ATP10D: variants seen among roughly 807,000 people sequenced by gnomAD.
The protein encoded by ATP10D is ATPase phospholipid transporting 10D (putative).
A neutral mutation model predicts 144.8 loss-of-function variants in ATP10D; 89 were observed. The observed-to-expected ratio is 0.61, with a 90% CI of 0.52 to 0.73. ATP10D has a LOEUF of 0.73. Among genes scored for constraint, ATP10D ranks in the 30% least tolerant of loss-of-function variants. The probability of loss-of-function intolerance (pLI) is 0.00; values close to 1 mark genes in which losing one functional copy is unlikely to be tolerated. For missense variants in ATP10D, 1,603 were observed against 1,714.8 expected (o/e 0.93, Z 1.15); for synonymous variants, 571 against 615.1 (o/e 0.93, Z 1.06).
At position 47,546,637 on chromosome 4, in the gene ATP10D, G is replaced by C; in HGVS notation, c.1410G>C (p.Glu470Asp). ...YCHEENARRLESYQEAVSEDE... is the reference protein window; with the variant it reads ...YCHEENARRLDSYQEAVSEDE... ...TTTATCCCACAGCCAGGAGGTTGGA[G>C]TCCTATCAGGAAGCTGTCTCTGAAG... The change falls in exon 10 of 23, where the codon GAG becomes GAC. Residue 470 changes from glutamate to aspartate, a missense_variant. Transcript: ENST00000273859. 1 of 1,614,068 alleles carries C rather than the reference G, an allele frequency of 6.2e-7. No individual in the cohort carries two copies.
chr4:47,584,687 T>G (rs1049482051), intron 21 of ATP10D, among the ~76,000 whole-genome samples: 26 of 152,138 alleles, frequency 1.7e-4, no homozygotes, highest in Non-Finnish European at 3.7e-4. Context: ...TGAGCCACTG[T>G]GCCTGGCCAA....
At chr4:47,494,510 T>A (rs1236048878) in intron 1 of ATP10D, among the ~76,000 whole-genome samples, 2 of 150,500 alleles carry the variant, frequency 1.3e-5, no homozygotes, top group African/African-American at 4.9e-5. Context: ...TAAAGTTAGA[T>A]TAAGTACCTC....
At chr4:47,522,359 G>A (rs181336277) in intron 3 of ATP10D, among the ~76,000 whole-genome samples, 234 of 152,324 alleles carry the variant, frequency 1.5e-3, no homozygotes, top group African/African-American at 5.5e-3. Context: ...TGACCACAGA[G>A]CAGCATGAAG....
intron 10 of ATP10D, among the ~76,000 whole-genome samples, chr4:47,552,314 C>A (rs1044832893): frequency 1.3e-5 from 2 of 152,062 alleles, no homozygotes; most frequent in East Asian, 3.9e-4. Context: ...TTCAGGCTGC[C>A]AGAACAAAAT....
intron 5 of ATP10D, among the ~76,000 whole-genome samples, chr4:47,526,922 T>C (rs1717278256): frequency 1.3e-5 from 2 of 152,094 alleles, no homozygotes; most frequent in African/African-American, 4.8e-5. Context: ...GAAATCCCAA[T>C]CAAAATCTCA....
At chr4:47,585,594 T>C (rs1720747029) in intron 21 of ATP10D, among the ~76,000 whole-genome samples, 1 of 152,140 alleles carries the variant, frequency 6.6e-6, no homozygotes, top group South Asian at 2.1e-4. Flanking sequence ...AGTCATTCTT[T>C]CTATTTTTCT....
intron 13 of ATP10D, among the ~76,000 whole-genome samples, chr4:47,559,748 G>A (rs113493803): frequency 7.9e-5 from 12 of 152,248 alleles, no homozygotes; most frequent in East Asian, 1.9e-4. Context: ...AGTAGCTCAC[G>A]CCTGTAATCA....
At chr4:47,526,998 C>T (rs1717281525) in intron 5 of ATP10D, among the ~76,000 whole-genome samples, 1 of 151,894 alleles carries the variant, frequency 6.6e-6, no homozygotes, top group African/African-American at 2.4e-5. Context: ...ATAACTAAAG[C>T]AATTTTGAAA....
intron 3 of ATP10D, among the ~76,000 whole-genome samples, chr4:47,515,954 G>T (rs1577634052): frequency 6.6e-6 from 1 of 152,140 alleles, no homozygotes; most frequent in East Asian, 1.9e-4. Context: ...TCAGGGCCGG[G>T]CGTGGTGGCT....
At chr4:47,495,839 G>T in intron 1 of ATP10D, among the ~76,000 whole-genome samples, 1 of 151,628 alleles carries the variant, frequency 6.6e-6, no homozygotes, top group Admixed American at 6.6e-5. Context: ...CCGTTTTCAA[G>T]CAATTCTTCT....
intron 1 of ATP10D, among the ~76,000 whole-genome samples, chr4:47,485,979 T>C (rs2109373835): frequency 6.6e-6 from 1 of 152,146 alleles, no homozygotes; most frequent in Non-Finnish European, 1.5e-5. Context: ...AAAGGGAAGG[T>C]GTTGAAGATT....
At chr4:47,505,210 A>G (rs1213952891) in intron 1 of ATP10D, among the ~76,000 whole-genome samples, 1 of 152,266 alleles carries the variant, frequency 6.6e-6, no homozygotes, top group Non-Finnish European at 1.5e-5. Context: ...CTGAGGTTAC[A>G]CATTCAAAGA....
At chr4:47,564,357 C>G (rs956009639) in intron 15 of ATP10D, among the ~76,000 whole-genome samples, 1 of 151,886 alleles carries the variant, frequency 6.6e-6, no homozygotes, top group Non-Finnish European at 1.5e-5. Flanking sequence ...TGCTTTCCCC[C>G]CTCCACACTG....
chr4:47,569,381 T>G (rs1719824817), intron 16 of ATP10D, among the ~76,000 whole-genome samples: 2 of 136,242 alleles, frequency 1.5e-5, no homozygotes, highest in African/African-American at 5.5e-5. Context: ...TAGTCCAGAC[T>G]TCTTAGTTCA....
At chr4:47,569,760 C>T (rs890471014) in intron 16 of ATP10D, among the ~76,000 whole-genome samples, 6 of 151,972 alleles carry the variant, frequency 3.9e-5, no homozygotes, top group Admixed American at 1.3e-4. Flanking sequence ...CTTTTAAATA[C>T]GATTTTCAAA....
chr4:47,536,395 ATATATT>A, intron 7 of ATP10D, 36 bp from the exon 8 acceptor site: 1 of 1,603,272 alleles, frequency 6.2e-7, no homozygotes, highest in South Asian at 1.1e-5. Context: ...TTTGCATGCC[ATATATT>A]TAGCATCCTT....
In ATP10D at chr4:47,546,781, T is replaced by C; in HGVS notation, c.1554T>C (p.Ala518=). ...GAAATAAGCCCTCAAATCATCTTGC[T>C]GGGAGCTCTTTTACTCTAGGAAGTG... The part of the protein sequence containing the change: ...PLGNKPSNHL[A]GSSFTLGSGE... Residue 518 remains alanine (A), a synonymous_variant, in exon 10 of 23, where the codon GCT becomes GCC. Transcript: ENST00000273859. 4.3e-6 allele frequency: 7 copies of C among 1,613,936 alleles called. No homozygotes were observed. The highest frequency in any genetic ancestry group is 5.9e-6 in the Non-Finnish European group (7 of 1,179,992).
intron 1 of ATP10D, among the ~76,000 whole-genome samples, chr4:47,493,290 C>T (rs1715181720): frequency 6.6e-6 from 1 of 152,130 alleles, no homozygotes; most frequent in Admixed American, 6.6e-5. Context: ...AATACACAAT[C>T]CCTGACTTAT....
Position 47,558,986 on chromosome 4 carries a change from A to G in ATP10D, c.2498A>G (p.Asp833Gly). 1.2e-6 allele frequency: 2 copies of G among 1,614,198 alleles called. No homozygotes were observed. Among genetic ancestry groups the G allele is most frequent in the Non-Finnish European group, 1.7e-6 (2 of 1,180,014 alleles). The change falls in exon 13 of 23, where the codon GAC becomes GGC. Residue 833 changes from aspartate to glycine, a missense_variant. Physicochemically the swap from Asp to Gly is moderately conservative, Grantham distance 94. Transcript: ENST00000273859. ...GAGAAAACCCAGAAGCACTTGGATGACTATGCCAAACAAGGCCTTCGTACT... is the reference window on the plus strand; with the variant it reads ...GAGAAAACCCAGAAGCACTTGGATGGCTATGCCAAACAAGGCCTTCGTACT... ...VREKTQKHLD[D>G]YAKQGLRTLC...
Sources: gnomAD v4.1 joint callset for allele counts (sites outside exome capture counted in the v4.1 genomes callset) on GRCh38, gnomAD v4.1.1 for gene constraint, MANE v1.5 for transcripts, NCBI Gene and HGNC (gene_info 2026-07-23, HGNC 2026-07-21) for gene names.